SRPK3: variants seen among roughly 807,000 people sequenced by gnomAD.
SRPK3 encodes the protein SRSF protein kinase 3, also known as SFRS protein kinase 3.
Under a neutral mutation model 45.3 loss-of-function variants are expected in SRPK3, and 26 were observed. The ratio of observed to expected loss-of-function variants is 0.57; its 90% CI spans 0.42 to 0.80. SRPK3 has a LOEUF of 0.80. Ranked by LOEUF, SRPK3 falls within the 30% of genes least tolerant of loss-of-function variation. The pLI, the probability that SRPK3 is intolerant of heterozygous loss-of-function variation, is 0.00. For synonymous variants in SRPK3, 254 were observed against 226.6 expected (o/e 1.12, Z -1.09); for missense variants, 536 against 514.5 (o/e 1.04, Z -0.40).
In SRPK3 at chrX:153,785,123, C is replaced by G; in HGVS notation, c.1469C>G (p.Pro490Arg). 3.3e-6 allele frequency: 4 copies of G among 1,211,164 alleles called. No individual in the cohort carries two copies. Among genetic ancestry groups the G allele is most frequent in the Non-Finnish European group, 4.5e-6 (4 of 895,379 alleles). ...HIVELLGDIP[P>R]AFALSGRYSR... Reference sequence around the variant, plus strand: ...GTGGAGCTTCTGGGGGACATCCCCCCAGCCTTCGCCCTCTCAGGCCGCTAT... The same window carrying G: ...GTGGAGCTTCTGGGGGACATCCCCCGAGCCTTCGCCCTCTCAGGCCGCTAT... Residue 490 changes from proline to arginine, a missense_variant, in exon 14 of 15, where the codon CCA (proline) becomes CGA (arginine). Transcript: ENST00000370101.
In SRPK3 at chrX:153,781,528, G is replaced by A. The variant is rs782697634; in HGVS notation, c.214G>A (p.Gly72Ser). ...AGGCGGCTACCACCCTGTGAAGATC[G>A]GCGACGTGTTCAATGGGCGGTACCA... ...CKGGYHPVKIGDVFNGRYHVV... is the reference protein window; with the variant it reads ...CKGGYHPVKISDVFNGRYHVV... Residue 72 changes from glycine to serine, a missense_variant, in exon 3 of 15, where the codon GGC (glycine) becomes AGC (serine). By Grantham distance (56) the Gly-to-Ser change is moderately conservative. Transcript: ENST00000370101. 7.5e-5 allele frequency: 91 copies of A among 1,208,740 alleles called. No homozygotes were observed. Among genetic ancestry groups the A allele is most frequent in the Non-Finnish European group, 4.1e-5 (37 of 894,652 alleles).
chrX:153,781,732 C>T lies in SRPK3; in HGVS notation c.300-11C>T, dbSNP rs2092053207. On this transcript the variant is annotated splice_polypyrimidine_tract_variant and intron_variant, in intron 3 of 14. Transcript: ENST00000370101. ...CCAGGGCCACAGCCTACAAGGGTCT[C>T]GGTATTGCAGGCGCAAGCGCTTTGT... 4 of 1,210,809 alleles carry T rather than the reference C, an allele frequency of 3.3e-6. No homozygotes were observed. Among genetic ancestry groups the T allele is most frequent in the Non-Finnish European group, 4.5e-6 (4 of 895,039 alleles).
chrX:153,781,624 C>T lies in SRPK3; in HGVS notation c.299+11C>T, dbSNP rs782807481. ...CTGCTGGGACATCCAGTGAGTGCCT[C>T]CTTCGCCTCCGGGGCCCAGCACTGG... On this transcript the variant is annotated intron_variant, in intron 3 of 14. Coordinates refer to ENST00000370101, the MANE Select transcript of SRPK3 (RefSeq NM_014370.4). 4 of 1,205,583 alleles carry T rather than the reference C, an allele frequency of 3.3e-6. No homozygotes were observed. Among genetic ancestry groups the T allele is most frequent in the Admixed American group, 2.2e-5 (1 of 45,745 alleles).
chrX:153,783,930 T>A, intron 9 of SRPK3, 44 bp from the exon 10 acceptor site: 1 of 1,196,577 alleles, frequency 8.4e-7, no homozygotes, highest in Non-Finnish European at 1.1e-6. Flanking sequence ...CAGCAAAGGC[T>A]GCAAGACATC....
chrX:153,781,390 G>A, intron 2 of SRPK3, 44 bp downstream of exon 2: 2 of 1,174,118 alleles, frequency 1.7e-6, no homozygotes, highest in South Asian at 1.9e-5. Flanking sequence ...GGCCACTGCA[G>A]GGACCCAGGG....
chrX:153,783,195 C>T, intron 7 of SRPK3, 31 bp from the exon 8 acceptor site: 1 of 969,426 alleles, frequency 1.0e-6, no homozygotes, highest in African/African-American at 2.4e-5. Context: ...CCTCCCTGTC[C>T]CCCCCCACCG....
At position 153,784,103 on chromosome X, in the gene SRPK3, C is replaced by T. The variant is rs782094909; in HGVS notation, c.1037C>T (p.Ala346Val). 20 of 1,209,393 alleles carry T rather than the reference C, an allele frequency of 1.7e-5. No individual in the cohort carries two copies. The highest frequency in any genetic ancestry group is 6.5e-5 in the Admixed American group (3 of 45,952). ...CCAGGGGGCGGCCGTAGCCTCAGCG[C>T]GGGCTCACAGACCTCAGGCTTCTCC... ...PAPGGGRSLS[A>V]GSQTSGFSGS... The change falls in exon 10 of 15, where the codon GCG becomes GTG. Residue 346 changes from alanine (A) to valine (V), a missense_variant. Ala to Val is a moderately conservative substitution (Grantham distance 64). Transcript: ENST00000370101.
intron 3 of SRPK3, 40 bp from the exon 4 acceptor site, chrX:153,781,703 C>A: frequency 8.3e-7 from 1 of 1,206,016 alleles, no homozygotes. Context: ...CGCCGTGGGT[C>A]CTGCCAGGGC....
At chrX:153,783,386 T>C in intron 8 of SRPK3, 135 bp downstream of exon 8, 1 of 498,570 alleles carries the variant, frequency 2.0e-6, no homozygotes, top group East Asian at 3.9e-5. Context: ...GCTGGGTGGC[T>C]GGGCTGACGG....
chrX:153,781,896 C>A, intron 4 of SRPK3, 66 bp downstream of exon 4: 1 of 1,147,117 alleles, frequency 8.7e-7, no homozygotes, highest in Non-Finnish European at 1.2e-6. Flanking sequence ...AATGCGGGTG[C>A]AAGGCCTGCC....
rs1362014824 is a variant in SRPK3, at chrX:153,781,122, C to T, written c.36C>T (p.Gly12=). The part of the protein sequence containing the change: ...SASTGGGGDS[G]GSGGSSSSSQ... ...GCACGGGCGGTGGTGGGGACAGCGG[C>T]GGCAGCGGCGGCAGTAGCAGCAGGT... is the stretch of plus-strand genomic sequence containing the variant. Residue 12 remains glycine, a synonymous_variant, in exon 1 of 15, where the codon GGC becomes GGT. Coordinates refer to ENST00000370101, the MANE Select transcript of SRPK3 (RefSeq NM_014370.4). The T allele has an allele frequency of 1.2e-5, 14 of 1,146,619 alleles. No individual in the cohort carries two copies. The highest frequency in any genetic ancestry group is 1.0e-4 in the East Asian group (3 of 29,752). 94.5% of individuals were successfully genotyped at this position (1,146,619 alleles called of 1,213,427 possible). A position where few individuals can be genotyped will look rare whatever the true frequency, so the allele number is the denominator to read the frequency against.
At chrX:153,783,193 TC>T in intron 7 of SRPK3, 32 bp from the exon 8 acceptor site, 6 of 439,065 alleles carry the variant, frequency 1.4e-5, no homozygotes, top group Non-Finnish European at 1.9e-5. Flanking sequence ...TTCCTCCCTG[TC>T]CCCCCCCACC....
Position 153,783,210 on chromosome X carries a change from C to T in SRPK3, c.749-16C>T. 1 of 1,146,196 alleles carries T rather than the reference C, an allele frequency of 8.7e-7. No individual in the cohort carries two copies. The highest frequency in any genetic ancestry group is 3.0e-5 in the East Asian group (1 of 33,325). The allele number at this position is 1,146,196 out of a possible 1,213,427, so 94.5% of individuals were successfully genotyped here. ...CCTCCCTGTCCCCCCCCACCGCTCCCCACCTGCACTCCCAGTCAGCACTGC... is the reference window on the plus strand; with the variant it reads ...CCTCCCTGTCCCCCCCCACCGCTCCTCACCTGCACTCCCAGTCAGCACTGC... On this transcript the variant is annotated splice_polypyrimidine_tract_variant and intron_variant, in intron 7 of 14. Coordinates refer to ENST00000370101, the MANE Select transcript of SRPK3 (RefSeq NM_014370.4).
rs2148440581 is a variant in SRPK3, at chrX:153,783,807, A to G, written c.830A>G (p.Gln277Arg). The part of the protein sequence containing the change: ...KRKKMRRKRK[Q>R]QKRLLEERLR... ...AAGAAGATGAGGCGCAAACGGAAAC[A>G]GCAGAAGCGGCTGCTGGAGGAGCGG... Residue 277 changes from glutamine to arginine, a missense_variant, in exon 9 of 15, where the codon CAG becomes CGG. Coordinates refer to ENST00000370101, the MANE Select transcript of SRPK3 (RefSeq NM_014370.4). The G allele has an allele frequency of 8.3e-7, 1 of 1,207,937 alleles. No individual in the cohort carries two copies. Among genetic ancestry groups the G allele is most frequent in the East Asian group, 3.0e-5 (1 of 33,678 alleles).
intron 4 of SRPK3, 50 bp from the exon 5 acceptor site, chrX:153,782,071 G>A (rs375776606): frequency 1.8e-6 from 2 of 1,106,583 alleles, no homozygotes; most frequent in African/African-American, 3.6e-5. Flanking sequence ...GGGAGCTGTG[G>A]GCTTCAGGGC....
chrX:153,785,060 A>G, intron 13 of SRPK3, 21 bp from the exon 14 acceptor site: 1 of 1,210,471 alleles, frequency 8.3e-7, no homozygotes, highest in Non-Finnish European at 1.1e-6. Flanking sequence ...CCTGCCCCCA[A>G]CCTCCTCTTT....
chrX:153,783,437 T>C (rs782030383), intron 8 of SRPK3, among the ~76,000 whole-genome samples, 186 bp downstream of exon 8: 2 of 111,995 alleles, frequency 1.8e-5, no homozygotes, highest in East Asian at 2.8e-4. Context: ...CTGCTCTTGG[T>C]GAAAGGATGC....
chrX:153,784,147 G>A lies in SRPK3; in HGVS notation c.1081G>A (p.Ala361Thr). Residue 361 changes from alanine (A) to threonine (T), a missense_variant, in exon 10 of 15, where the codon GCC (alanine) becomes ACC (threonine). Coordinates refer to ENST00000370101, the MANE Select transcript of SRPK3 (RefSeq NM_014370.4). ...CTTCTCCGGCTCCCTCTTCTCTCCT[G>A]CCTCCTGCTCCATCCTCTCCGGCTC... ...SGFSGSLFSP[A>T]SCSILSGSSN... 2 of 1,210,838 alleles carry A rather than the reference G, an allele frequency of 1.7e-6. No individual in the cohort carries two copies. Among genetic ancestry groups the A allele is most frequent in the South Asian group, 1.8e-5 (1 of 57,026 alleles).
In SRPK3 at chrX:153,781,533, CG is replaced by C; in HGVS notation, c.220del (p.Val74CysfsTer37). 8.3e-7 allele frequency: 1 copy of C among 1,210,389 alleles called. No homozygotes were observed. Among genetic ancestry groups the C allele is most frequent in the Non-Finnish European group, 1.1e-6 (1 of 895,075 alleles). On this transcript the variant is annotated frameshift_variant, in exon 3 of 15. Transcript: ENST00000370101. LOFTEE classifies it high-confidence loss of function. ...GGYHPVKIGD[V>X]FNGRYHVVRK... ...GCTACCACCCTGTGAAGATCGGCGACGTGTTCAATGGGCGGTACCACGTGGT... is the reference window on the plus strand; with the variant it reads ...GCTACCACCCTGTGAAGATCGGCGACTGTTCAATGGGCGGTACCACGTGGT...
Sources: gnomAD v4.1 joint callset for allele counts (sites outside exome capture counted in the v4.1 genomes callset) on GRCh38, gnomAD v4.1.1 for gene constraint, MANE v1.5 for transcripts, NCBI Gene and HGNC (gene_info 2026-07-23, HGNC 2026-07-21) for gene names.